Variants in SOX5 observed in about 807,000 individuals in gnomAD.
The protein encoded by SOX5 is SRY-box transcription factor 5, also known as transcription factor SOX-5.
Under a neutral mutation model 92.0 loss-of-function variants are expected in SOX5, and 9 were observed. The observed-to-expected ratio is 0.10, with a 90% CI of 0.06 to 0.17. SOX5 has a LOEUF of 0.17. Among genes scored for constraint, SOX5 ranks in the 10% least tolerant of loss-of-function variants. SOX5 has a pLI of 1.00. For synonymous variants in SOX5, 344 were observed against 336.3 expected (o/e 1.02, Z -0.25); for missense variants, 642 against 944.5 (o/e 0.68, Z 4.20).
chr12:24,098,921 T>C (rs1227660872), intron 4 of SOX5, among the ~76,000 whole-genome samples: 2 of 152,204 alleles, frequency 1.3e-5, no homozygotes, highest in African/African-American at 2.4e-5. Flanking sequence ...TCTTGTTCAC[T>C]GGGTTTCAAC....
intron 1 of SOX5, among the ~76,000 whole-genome samples, chr12:24,396,038 A>T (rs922905736): frequency 6.6e-6 from 1 of 152,198 alleles, no homozygotes; most frequent in South Asian, 2.1e-4. Context: ...GCAGCTAGGG[A>T]TCCATCCTCT....
At chr12:23,719,717 C>T (rs981596193) in intron 6 of SOX5, among the ~76,000 whole-genome samples, 4 of 132,450 alleles carry the variant, frequency 3.0e-5, no homozygotes, top group African/African-American at 5.8e-5. Flanking sequence ...CAATGAGTTA[C>T]GATTGTGCCA....
intron 4 of SOX5, among the ~76,000 whole-genome samples, chr12:24,012,938 T>C (rs1481702020): frequency 1.3e-5 from 2 of 152,174 alleles, no homozygotes; most frequent in Non-Finnish European, 2.9e-5. Context: ...TGATAAATCA[T>C]ATTGATAAGT....
chr12:24,007,792 C>T (rs552189552), intron 4 of SOX5, among the ~76,000 whole-genome samples: 11 of 11,280 alleles, frequency 9.8e-4, no homozygotes, highest in Non-Finnish European at 6.5e-3. Flanking sequence ...CACATACGCA[C>T]GCACACACAC....
At chr12:24,042,279 T>C (rs1487169858) in intron 4 of SOX5, among the ~76,000 whole-genome samples, 1 of 152,118 alleles carries the variant, frequency 6.6e-6, no homozygotes, top group South Asian at 2.1e-4. Context: ...AACTTTAGCA[T>C]AATATCAATA....
intron 1 of SOX5, among the ~76,000 whole-genome samples, chr12:24,526,556 A>G (rs1042855310): frequency 6.6e-6 from 1 of 152,188 alleles, no homozygotes; most frequent in Non-Finnish European, 1.5e-5. Context: ...AAGAAATAGG[A>G]AACAAGATCA....
intron 3 of SOX5, among the ~76,000 whole-genome samples, chr12:24,216,179 T>C (rs71450428): frequency 0.032 from 4,865 of 151,448 alleles, 91 homozygotes; most frequent in South Asian, 0.069. Flanking sequence ...ATGGGGGAGG[T>C]TGTCAAAAGA....
chr12:23,918,168 T>C (rs1200089633), intron 1 of SOX5, among the ~76,000 whole-genome samples: 1 of 152,218 alleles, frequency 6.6e-6, no homozygotes, highest in South Asian at 2.1e-4. Context: ...GAGAATATTA[T>C]ATGCATGTTT....
intron 1 of SOX5, among the ~76,000 whole-genome samples, chr12:24,375,345 G>A (rs1193229414): frequency 3.3e-5 from 5 of 152,078 alleles, no homozygotes; most frequent in African/African-American, 1.2e-4. Flanking sequence ...CCTGAACGGG[G>A]AAATGGAAAA....
chr12:23,620,358 T>C (rs1006005949), intron 8 of SOX5, among the ~76,000 whole-genome samples: 1 of 152,080 alleles, frequency 6.6e-6, no homozygotes, highest in Non-Finnish European at 1.5e-5. Context: ...ATATGGAGAA[T>C]AGATTGGGAG....
intron 1 of SOX5, among the ~76,000 whole-genome samples, chr12:23,909,359 A>G (rs943789460): frequency 2.0e-5 from 3 of 152,178 alleles, no homozygotes; most frequent in Admixed American, 6.5e-5. Flanking sequence ...TTTAGATGGT[A>G]ATATAACTGA....
At chr12:23,718,662 C>T (rs2092643510) in intron 6 of SOX5, among the ~76,000 whole-genome samples, 1 of 151,976 alleles carries the variant, frequency 6.6e-6, no homozygotes, top group Non-Finnish European at 1.5e-5. Context: ...GCATCAAAAA[C>T]CTTATAAAAC....
chr12:24,554,656 G>C (rs1953583219), intron 1 of SOX5, among the ~76,000 whole-genome samples: 1 of 152,076 alleles, frequency 6.6e-6, no homozygotes, highest in South Asian at 2.1e-4. Context: ...GGGGTCCCAG[G>C]AATCCTACTG....
chr12:24,458,920 A>G (rs1238604195), intron 1 of SOX5, among the ~76,000 whole-genome samples: 1 of 152,166 alleles, frequency 6.6e-6, no homozygotes, highest in East Asian at 1.9e-4. Context: ...TATAGAAGAG[A>G]CCAAAAGAAA....
At chr12:24,026,680 G>C (rs1954928944) in intron 4 of SOX5, among the ~76,000 whole-genome samples, 1 of 150,284 alleles carries the variant, frequency 6.7e-6, no homozygotes, top group Admixed American at 6.6e-5. Flanking sequence ...AAAAAAAAAG[G>C]AATGTTAAAT....
At chr12:24,308,780 T>G (rs1948874309) in intron 2 of SOX5, among the ~76,000 whole-genome samples, 1 of 152,108 alleles carries the variant, frequency 6.6e-6, no homozygotes, top group Non-Finnish European at 1.5e-5. Flanking sequence ...GATGATCAGG[T>G]CAACAACTAA....
At chr12:24,287,592 C>CT (rs763973565) in intron 2 of SOX5, among the ~76,000 whole-genome samples, 2,502 of 79,602 alleles carry the variant, frequency 0.031, 78 homozygotes, top group African/African-American at 0.058. Context: ...TTCTCAAATC[C>CT]TTTTTTTTTT....
intron 2 of SOX5, among the ~76,000 whole-genome samples, chr12:23,869,101 G>T (rs1420655356): frequency 2.0e-5 from 3 of 152,104 alleles, no homozygotes; most frequent in Non-Finnish European, 4.4e-5. Flanking sequence ...TTTGCAGAAG[G>T]TTGTTAAAGA....
intron 1 of SOX5, among the ~76,000 whole-genome samples, chr12:24,430,510 T>C (rs1033078071): frequency 1.3e-5 from 2 of 148,600 alleles, no homozygotes; most frequent in Non-Finnish European, 3.0e-5. Flanking sequence ...GAAATGAATA[T>C]CCACTCTATG....
Sources: gnomAD v4.1 joint callset for allele counts (sites outside exome capture counted in the v4.1 genomes callset) on GRCh38, gnomAD v4.1.1 for gene constraint, MANE v1.5 for transcripts, NCBI Gene and HGNC (gene_info 2026-07-23, HGNC 2026-07-21) for gene names.